The following SVIL variants were observed in gnomAD, a reference collection of about 807,000 sequenced individuals.
SVIL encodes supervillin.
SVIL carries 101 observed loss-of-function variants against 240.4 expected under a neutral mutation model. That is an observed-to-expected ratio of 0.42 (90% confidence interval 0.36 to 0.50). The LOEUF (loss-of-function observed/expected upper bound fraction) is 0.50, where lower values mean the gene tolerates loss of function less well. SVIL is among the 20% of genes least tolerant of loss of function. The pLI, the probability that SVIL is intolerant of heterozygous loss-of-function variation, is 0.01. For synonymous variants in SVIL, 999 were observed against 1,100.0 expected (o/e 0.91, Z 1.82); for missense variants, 2,512 against 2,818.7 (o/e 0.89, Z 2.46).
rs546276330 is a variant in SVIL, at chr10:29,701,640, A to G, written c.-399-14989T>C. On this transcript the variant is annotated intron_variant, in intron 1 of 35. Coordinates refer to the SVIL transcript ENST00000375400. ...ATATCCAGTTACCATTTTCTATTAA[A>G]ATAGATTCTTCATTTGTGTAGGAAA... Among the ~76,000 whole-genome samples the G allele has an allele frequency of 1.4e-4, 22 of 152,326 alleles. No individual in the cohort carries two copies. In the South Asian group the frequency reaches 4.1e-3, roughly 29 times the overall value.
chr10:29,613,606 G>A (rs1957330303), intron 1 of SVIL, among the ~76,000 whole-genome samples: 1 of 152,112 alleles, frequency 6.6e-6, no homozygotes, highest in South Asian at 2.1e-4. Context: ...TCAAAGTGCT[G>A]GGATTACAGG....
chr10:29,708,342 C>A (rs948758442), intron 1 of SVIL, among the ~76,000 whole-genome samples: 1 of 151,214 alleles, frequency 6.6e-6, no homozygotes, highest in Non-Finnish European at 1.5e-5. Flanking sequence ...AGATTTTGGC[C>A]ACGTGCGTTA....
chr10:29,660,633 G>C (rs1456997179), intron 2 of SVIL, among the ~76,000 whole-genome samples: 3 of 152,092 alleles, frequency 2.0e-5, no homozygotes, highest in Non-Finnish European at 4.4e-5. Flanking sequence ...AGAATCACAA[G>C]AAGCCAAGAA....
intron 1 of SVIL, among the ~76,000 whole-genome samples, chr10:29,727,122 A>G (rs1347894732): frequency 3.9e-5 from 6 of 152,230 alleles, no homozygotes; most frequent in African/African-American, 1.2e-4. Flanking sequence ...TCTTGTTTCT[A>G]TACAATTCTA....
chr10:29,476,296 G>T (rs1343953700), intron 29 of SVIL, among the ~76,000 whole-genome samples: 2 of 152,244 alleles, frequency 1.3e-5, no homozygotes, highest in Non-Finnish European at 2.9e-5. Context: ...CTTGAAATCT[G>T]TTAGCACTCA....
chr10:29,463,700 T>C, intron 34 of SVIL, 65 bp from the exon 35 acceptor site: 1 of 1,565,226 alleles, frequency 6.4e-7, no homozygotes, highest in Non-Finnish European at 8.7e-7. Context: ...AGCTCACTCC[T>C]CCCCCAACCT....
intron 30 of SVIL, chr10:29,473,607 T>C (rs1457809354): frequency 1.7e-5 from 10 of 584,502 alleles, no homozygotes; most frequent in East Asian, 8.8e-5. Context: ...GTGGATTTCC[T>C]ATTTGCAGAT....
chr10:29,696,517 TC>T (rs202209640), intron 1 of SVIL, among the ~76,000 whole-genome samples: 19,422 of 148,036 alleles, frequency 0.13, 1,634 homozygotes, highest in Admixed American at 0.21. Context: ...GAGCGCCTCG[TC>T]CCGGCCACCA....
At chr10:29,565,989 C>T (rs1042158090) in intron 2 of SVIL, among the ~76,000 whole-genome samples, 1 of 152,160 alleles carries the variant, frequency 6.6e-6, no homozygotes, top group African/African-American at 2.4e-5. Context: ...ATGAATACTA[C>T]AATTCACGCT....
intron 1 of SVIL, among the ~76,000 whole-genome samples, chr10:29,729,774 C>A (rs1254419293): frequency 8.0e-6 from 1 of 124,946 alleles, no homozygotes. Context: ...GCAGAGGTTG[C>A]AGTGAGCCGA....
At chr10:29,643,308 T>C (rs11007680) in intron 3 of SVIL, among the ~76,000 whole-genome samples, 3,142 of 152,308 alleles carry the variant, frequency 0.021, 56 homozygotes, top group Non-Finnish European at 0.034. Context: ...ATGAACTTGA[T>C]CAATCACTGG....
At chr10:29,491,416 CA>C (rs999148459) in intron 21 of SVIL, among the ~76,000 whole-genome samples, 7 of 152,158 alleles carry the variant, frequency 4.6e-5, no homozygotes, top group Admixed American at 4.6e-4. Flanking sequence ...CTGTTTCCGG[CA>C]AGCCCTTCGG....
intron 3 of SVIL, among the ~76,000 whole-genome samples, chr10:29,650,685 C>T (rs565826935): frequency 2.0e-5 from 3 of 152,254 alleles, no homozygotes; most frequent in South Asian, 2.1e-4. Flanking sequence ...TGCACAGGCT[C>T]ATACCAGTAA....
At position 29,569,256 on chromosome 10, in the gene SVIL, T is replaced by C. The variant is rs940828933; in HGVS notation, c.-144A>G. 59 of 985,804 alleles carry C rather than the reference T, an allele frequency of 6.0e-5. No individual in the cohort carries two copies. Among genetic ancestry groups the C allele is most frequent in the Non-Finnish European group, 6.9e-5 (57 of 829,844 alleles). 61.1% of individuals were successfully genotyped at this position (985,804 alleles called of 1,614,324 possible). On this transcript the variant is annotated splice_region_variant and 5_prime_UTR_variant, in exon 2 of 38. Coordinates refer to ENST00000355867, the MANE Select transcript of SVIL (RefSeq NM_021738.3). Reference sequence around the variant, plus strand: ...GTTGTTGAGACAAGGCCACTTTACCTTGAAACTTTCCTTTGACGTGGGAAT... The same window carrying C: ...GTTGTTGAGACAAGGCCACTTTACCCTGAAACTTTCCTTTGACGTGGGAAT...
At chr10:29,671,160 T>C (rs377578507) in intron 2 of SVIL, 1 of 152,240 alleles carries the variant, frequency 6.6e-6, no homozygotes, top group African/African-American at 2.4e-5. Flanking sequence ...AACCCACCTT[T>C]AAAACTTCAT....
At position 29,487,537 on chromosome 10, in the gene SVIL, C is replaced by T. The variant is rs1337492771; in HGVS notation, c.4349-238G>A. On this transcript the variant is annotated intron_variant, in intron 23 of 37. Transcript: ENST00000355867. The stretch of plus-strand genomic sequence containing the variant: ...GTCACCCACTTCTCAGGACCATTAT[C>T]AGTGTCATGTGCGTGGGTTAATGAA... 10 of 506,350 alleles carry T rather than the reference C, an allele frequency of 2.0e-5. No individual in the cohort carries two copies. In the East Asian group the frequency reaches 2.7e-4, roughly 14 times the overall value. The allele number at this position is 506,350 out of a possible 1,614,324, so 31.4% of individuals were successfully genotyped here.
intron 17 of SVIL, among the ~76,000 whole-genome samples, chr10:29,512,295 T>C (rs1430036559): frequency 2.6e-5 from 4 of 152,252 alleles, no homozygotes; most frequent in Admixed American, 2.0e-4. Flanking sequence ...TAAATACTCA[T>C]AAACCACAAT....
chr10:29,682,166 G>GCAGCA (rs1322675996), intron 2 of SVIL, among the ~76,000 whole-genome samples: 3 of 152,180 alleles, frequency 2.0e-5, no homozygotes, highest in Admixed American at 1.3e-4. Context: ...TACGCCTTAA[G>GCAGCA]CAGCAGGTTG....
chr10:29,696,520 C>G (rs1194564070), intron 1 of SVIL, among the ~76,000 whole-genome samples: 3 of 150,378 alleles, frequency 2.0e-5, no homozygotes, highest in Non-Finnish European at 3.0e-5. Flanking sequence ...CGCCTCGTCC[C>G]GGCCACCATC....
Sources: allele counts gnomAD v4.1 joint callset (sites outside exome capture counted in the v4.1 genomes callset), GRCh38; gene constraint gnomAD v4.1.1; transcripts MANE v1.5; gene names NCBI Gene and HGNC (gene_info 2026-07-23, HGNC 2026-07-21).